RNF130: variants seen among roughly 807,000 people sequenced by gnomAD.
RNF130 encodes ring finger protein 130.
A neutral mutation model predicts 44.6 loss-of-function variants in RNF130; 21 were observed. That is an observed-to-expected ratio of 0.47 (90% CI 0.33 to 0.68). The LOEUF is 0.68. Among genes scored for constraint, RNF130 ranks in the 30% least tolerant of loss-of-function variants. The pLI is 0.02. For missense variants in RNF130, 479 were observed against 560.6 expected (o/e 0.85, Z 1.47); for synonymous variants, 214 against 210.4 (o/e 1.02, Z -0.15).
intron 3 of RNF130, among the ~76,000 whole-genome samples, chr5:179,990,949 T>C (rs1763068613): frequency 6.6e-6 from 1 of 152,272 alleles, no homozygotes; most frequent in Non-Finnish European, 1.5e-5. Context: ...TAATTCTTGT[T>C]ATTTTATAAT....
chr5:180,039,790 A>G (rs1764363092), intron 2 of RNF130, among the ~76,000 whole-genome samples: 4 of 152,372 alleles, frequency 2.6e-5, no homozygotes, highest in Admixed American at 2.6e-4. Context: ...CTAACAGAAC[A>G]TCAACAAAAC....
chr5:179,946,525 G>A (rs538574170), intron 7 of RNF130, among the ~76,000 whole-genome samples: 1 of 151,862 alleles, frequency 6.6e-6, no homozygotes, highest in African/African-American at 2.4e-5. Flanking sequence ...AGTCTTAACA[G>A]ACCGACCAGT....
intron 7 of RNF130, chr5:179,963,867 G>C (rs1399553919): frequency 6.1e-6 from 2 of 326,660 alleles, no homozygotes; most frequent in Non-Finnish European, 1.1e-5. Flanking sequence ...ATATAAAATT[G>C]CACAAGGACA....
chr5:180,014,304 T>A (rs1295393445), intron 2 of RNF130, among the ~76,000 whole-genome samples: 1 of 152,218 alleles, frequency 6.6e-6, no homozygotes, highest in Admixed American at 6.5e-5. Context: ...CTTCCCACTG[T>A]CTTTTAAGGA....
intron 1 of RNF130, among the ~76,000 whole-genome samples, chr5:180,055,299 A>G (rs1398867569): frequency 7.7e-6 from 1 of 129,928 alleles, no homozygotes; most frequent in Non-Finnish European, 1.7e-5. Context: ...AACAGCAAAC[A>G]AACAAAAAAT....
rs1402903932 is a variant in RNF130 at position 179,966,876 on chromosome 5, C to T, written c.1080G>A (p.Ser360=). The change falls in exon 7 of 9, where the codon TCG becomes TCA. Residue 360 remains serine, a synonymous_variant. Transcript: ENST00000521389. Reference sequence around the variant, plus strand: ...CATCCTGAGGAAGAGGTGAGATCCCCGAAGTTCGAAGTGGCTCAAGGCCAA... The same window carrying T: ...CATCCTGAGGAAGAGGTGAGATCCCTGAAGTTCGAAGTGGCTCAAGGCCAA... The part of the protein sequence containing the change: ...NSLGLEPLRT[S]GISPLPQDGE... 4 of 1,614,156 alleles carry T rather than the reference C, an allele frequency of 2.5e-6. No homozygotes were observed. The highest frequency in any genetic ancestry group is 1.1e-5 in the South Asian group (1 of 91,074).
At position 179,980,229 on chromosome 5, in the gene RNF130, C is replaced by G. The variant is rs28011; in HGVS notation, c.694-29G>C. ...TGAAAATTGCAAATAAAAACAGATA[C>G]TAAGTGTAAGATCTCTGAATGACGT... On this transcript the variant is annotated intron_variant, in intron 3 of 8. Transcript: ENST00000521389. 5.0e-6 allele frequency: 8 copies of G among 1,604,590 alleles called. No homozygotes were observed. The South Asian group carries it at 8.8e-5, about 18-fold the overall frequency.
intron 1 of RNF130, among the ~76,000 whole-genome samples, chr5:180,065,004 T>A (rs930643725): frequency 6.6e-6 from 1 of 152,182 alleles, no homozygotes; most frequent in Non-Finnish European, 1.5e-5. Context: ...GTTGTCTTGG[T>A]CCTAGAGTGC....
At chr5:179,933,467 CTATT>C (rs1761841961) in intron 7 of RNF130, among the ~76,000 whole-genome samples, 1 of 136,246 alleles carries the variant, frequency 7.3e-6, no homozygotes, top group African/African-American at 2.7e-5. Flanking sequence ...TCAACCATTT[CTATT>C]TATTTATTGT....
chr5:179,945,237 T>C (rs1367550812), intron 7 of RNF130, among the ~76,000 whole-genome samples: 1 of 152,030 alleles, frequency 6.6e-6, no homozygotes, highest in Non-Finnish European at 1.5e-5. Flanking sequence ...TTCCCTCCAC[T>C]ACGATGAGCA....
chr5:179,962,263 T>C, intron 8 of RNF130, among the ~76,000 whole-genome samples: 1 of 152,226 alleles, frequency 6.6e-6, no homozygotes, highest in East Asian at 1.9e-4. Context: ...GGCTCACAGA[T>C]GCCAGGGGGC....
chr5:180,016,867 T>C (rs183370091), intron 2 of RNF130, among the ~76,000 whole-genome samples: 2 of 152,342 alleles, frequency 1.3e-5, no homozygotes, highest in Admixed American at 1.3e-4. Context: ...CACATGACAT[T>C]TTATTCTTAA....
At chr5:180,023,080 G>A (rs35928331) in intron 2 of RNF130, among the ~76,000 whole-genome samples, 52,982 of 152,098 alleles carry the variant, frequency 0.35, 10,647 homozygotes, top group South Asian at 0.6. Flanking sequence ...AGGATGGCAA[G>A]AGCCAGGTTT....
rs777844463 is a variant in RNF130 at position 179,970,517 on chromosome 5, A to G, written c.849-11T>C. The G allele has an allele frequency of 5.7e-6, 9 of 1,587,240 alleles. No individual in the cohort carries two copies. Among genetic ancestry groups the G allele is most frequent in the Non-Finnish European group, 7.7e-6 (9 of 1,161,530 alleles). On this transcript the variant is annotated splice_polypyrimidine_tract_variant and intron_variant, in intron 5 of 8. Coordinates refer to ENST00000521389, the MANE Select transcript of RNF130 (RefSeq NM_018434.6). ...TTGTGGAAAACATGCCTATAAAATA[A>G]TGGAGAATTATGTCACAAGTTACAT...
intron 7 of RNF130, among the ~76,000 whole-genome samples, chr5:179,944,847 C>T (rs1452502823): frequency 2.6e-5 from 4 of 152,110 alleles, no homozygotes; most frequent in African/African-American, 9.7e-5. Context: ...GTCCCCTTTC[C>T]TCCTAATTTC....
rs931562817 is a variant in RNF130, at chr5:180,034,805, G to A, written c.442+5648C>T. ...CTGTGAGTCCTCCTAGTGAGTCACT[G>A]AACCTGTGGATGGTCATGGGGACCC... On this transcript the variant is annotated intron_variant, in intron 2 of 8. Transcript: ENST00000521389. Among the ~76,000 whole-genome samples, 5 of 152,170 alleles carry A rather than the reference G, an allele frequency of 3.3e-5. No homozygotes were observed. The East Asian group carries it at 9.6e-4, about 29-fold the overall frequency.
intron 3 of RNF130, among the ~76,000 whole-genome samples, chr5:180,005,550 A>G (rs1381407691): frequency 6.6e-6 from 1 of 152,174 alleles, no homozygotes; most frequent in Admixed American, 6.5e-5. Flanking sequence ...TATCAGCTCA[A>G]CACTCACAAG....
At chr5:179,966,697 G>T in intron 7 of RNF130, 109 bp downstream of exon 7, 1 of 885,804 alleles carries the variant, frequency 1.1e-6, no homozygotes. Context: ...CACTTTCTTG[G>T]TTACAGTCTG....
chr5:180,034,485 T>C (rs1764204276), intron 2 of RNF130, among the ~76,000 whole-genome samples: 1 of 152,244 alleles, frequency 6.6e-6, no homozygotes, highest in African/African-American at 2.4e-5. Flanking sequence ...GCGAATTTCA[T>C]GGGAAGATAT....
Sources: allele counts gnomAD v4.1 joint callset (sites outside exome capture counted in the v4.1 genomes callset), GRCh38; gene constraint gnomAD v4.1.1; transcripts MANE v1.5; gene names NCBI Gene and HGNC (gene_info 2026-07-23, HGNC 2026-07-21).